The following MYBL2 variants were observed in gnomAD, a reference collection of about 807,000 sequenced individuals.
MYBL2 encodes the protein myb-related protein B.
Under a neutral mutation model 79.9 loss-of-function variants are expected in MYBL2, and 28 were observed. The ratio of observed to expected loss-of-function variants is 0.35; its 90% confidence interval spans 0.26 to 0.48. The LOEUF (loss-of-function observed/expected upper bound fraction) is 0.48. Among genes scored for constraint, MYBL2 ranks in the 20% least tolerant of loss-of-function variants. The pLI, the probability that MYBL2 is intolerant of heterozygous loss-of-function variation, is 0.99. For synonymous variants in MYBL2, 378 were observed against 361.2 expected (o/e 1.05, Z -0.53); for missense variants, 735 against 893.9 (o/e 0.82, Z 2.27).
intron 1 of MYBL2, among the ~76,000 whole-genome samples, chr20:43,668,029 G>A (rs1986763159): frequency 1.3e-5 from 2 of 152,008 alleles, no homozygotes; most frequent in East Asian, 1.9e-4. Context: ...GACTTAAGTG[G>A]CAGAGCTGAG....
chr20:43,676,009 A>G (rs1016171087), intron 2 of MYBL2, among the ~76,000 whole-genome samples: 3 of 150,392 alleles, frequency 2.0e-5, no homozygotes, highest in Non-Finnish European at 3.0e-5. Flanking sequence ...GGTTCAAGCG[A>G]TTCTCCTACC....
chr20:43,701,626 C>G (rs1047936257), intron 7 of MYBL2, among the ~76,000 whole-genome samples: 3 of 152,114 alleles, frequency 2.0e-5, no homozygotes, highest in African/African-American at 7.3e-5. Context: ...TAATGCTTCC[C>G]TAGCAGAATT....
At chr20:43,681,112 T>C (rs1293168351) in intron 2 of MYBL2, among the ~76,000 whole-genome samples, 3 of 152,208 alleles carry the variant, frequency 2.0e-5, no homozygotes, top group African/African-American at 7.2e-5. Flanking sequence ...ATCGCGTGAA[T>C]TGGTAGTTCA....
intron 4 of MYBL2, among the ~76,000 whole-genome samples, chr20:43,685,269 C>T (rs1365459712): frequency 6.6e-6 from 1 of 151,908 alleles, no homozygotes; most frequent in African/African-American, 2.4e-5. Flanking sequence ...CAACCTCCTC[C>T]TCCTAGGGAC....
chr20:43,683,801 G>A (rs184668336), intron 4 of MYBL2, among the ~76,000 whole-genome samples: 56 of 151,964 alleles, frequency 3.7e-4, no homozygotes, highest in African/African-American at 1.2e-3. Flanking sequence ...TGATCTACCC[G>A]CCTCAGCCTC....
Position 43,709,956 on chromosome 20 carries a change from C to T in MYBL2, c.1506-7C>T. ...GTCACTAGTTCCCCCGTTCTGGCCCCTGGCAGGTTTGTAACCCCAGATCAG... is the reference window on the plus strand; with the variant it reads ...GTCACTAGTTCCCCCGTTCTGGCCCTTGGCAGGTTTGTAACCCCAGATCAG... On this transcript the variant is annotated splice_polypyrimidine_tract_variant and splice_region_variant and intron_variant, in intron 9 of 13. Coordinates refer to ENST00000217026, the MANE Select transcript of MYBL2 (RefSeq NM_002466.4). The T allele has an allele frequency of 6.2e-7, 1 of 1,601,338 alleles. No individual in the cohort carries two copies. The highest frequency in any genetic ancestry group is 1.1e-5 in the South Asian group (1 of 88,094).
In MYBL2 at chr20:43,688,465, G is replaced by T. The variant is rs552690424; in HGVS notation, c.500+1393G>T. Among the ~76,000 whole-genome samples, 11 of 152,140 alleles carry T rather than the reference G, an allele frequency of 7.2e-5. No individual in the cohort carries two copies. In the East Asian group the frequency reaches 2.1e-3, roughly 29 times the overall value. On this transcript the variant is annotated intron_variant, in intron 5 of 13. Coordinates refer to ENST00000217026, the MANE Select transcript of MYBL2 (RefSeq NM_002466.4). ...CCACCTCAGCCTCACAAAGTGTTGG[G>T]ATTACAGGCATGAGCCACTATGCCC...
chr20:43,672,232 T>C lies in MYBL2; in HGVS notation c.21-1574T>C, dbSNP rs373327211. Among the ~76,000 whole-genome samples the C allele has an allele frequency of 1.2e-4, 18 of 152,238 alleles. 2 individuals are homozygous for C. The highest frequency in any genetic ancestry group is 8.5e-4 in the Admixed American group (13 of 15,276). ...TCTCAAAAAAAAAAAATAGATACTG[T>C]ACACTGATTTTTCTCTCCATTAATT... On this transcript the variant is annotated intron_variant, in intron 1 of 13. Coordinates refer to ENST00000217026, the MANE Select transcript of MYBL2 (RefSeq NM_002466.4).
At chr20:43,674,067 G>C (rs1003785736) in intron 2 of MYBL2, among the ~76,000 whole-genome samples, 168 bp downstream of exon 2, 1 of 152,072 alleles carries the variant, frequency 6.6e-6, no homozygotes, top group African/African-American at 2.4e-5. Flanking sequence ...CATTCTGGGG[G>C]ATTCTCAATT....
In MYBL2 at chr20:43,714,567, T is replaced by C. The variant is rs569032916; in HGVS notation, c.1825-567T>C. 3.9e-5 allele frequency among the ~76,000 whole-genome samples: 6 copies of C among 152,158 alleles called. No homozygotes were observed. The East Asian group carries it at 1.2e-3, about 29-fold the overall frequency. On this transcript the variant is annotated intron_variant, in intron 12 of 13. Transcript: ENST00000217026. ...GCTCTGAAACGCACACACGTTTCTTTACTTGATTACTTGATTTTTTTTTTT... is the reference window on the plus strand; with the variant it reads ...GCTCTGAAACGCACACACGTTTCTTCACTTGATTACTTGATTTTTTTTTTT...
rs190424651 is a variant in MYBL2 at position 43,703,831 on chromosome 20, T to A, written c.1365+928T>A. Reference sequence around the variant, plus strand: ...ACAGAGTACCACAGGCTCGGTGGATTTGACAAGAAATTCAGCAGTGTTGGT... The same window carrying A: ...ACAGAGTACCACAGGCTCGGTGGATATGACAAGAAATTCAGCAGTGTTGGT... On this transcript the variant is annotated intron_variant, in intron 8 of 13. Transcript: ENST00000217026. Among the ~76,000 whole-genome samples, 40 of 152,226 alleles carry A rather than the reference T, an allele frequency of 2.6e-4. 1 individual carries two copies. In the East Asian group the frequency reaches 7.5e-3, roughly 29 times the overall value.
At chr20:43,683,576 C>T (rs1379248525) in intron 4 of MYBL2, among the ~76,000 whole-genome samples, 1 of 123,636 alleles carries the variant, frequency 8.1e-6, no homozygotes, top group Non-Finnish European at 1.6e-5. Context: ...TTTTTTGAGA[C>T]GGAGTCTTGC....
chr20:43,673,550 T>A, intron 1 of MYBL2: 1 of 526,902 alleles, frequency 1.9e-6, no homozygotes, highest in Admixed American at 2.4e-5. Context: ...GGCGGGACGA[T>A]CATTTGAGTC....
At chr20:43,692,101 T>C in intron 5 of MYBL2, 56 bp from the exon 6 acceptor site, 1 of 1,576,844 alleles carries the variant, frequency 6.3e-7, no homozygotes, top group South Asian at 1.1e-5. Context: ...GTGATGTGCC[T>C]GATGGCACCC....
intron 1 of MYBL2, among the ~76,000 whole-genome samples, chr20:43,672,726 A>C (rs1181573144): frequency 6.6e-6 from 1 of 152,162 alleles, no homozygotes; most frequent in Non-Finnish European, 1.5e-5. Flanking sequence ...CAGTCTGGGT[A>C]ACAGAGCCAG....
At chr20:43,700,340 T>G (rs1987652684) in intron 7 of MYBL2, among the ~76,000 whole-genome samples, 2 of 152,254 alleles carry the variant, frequency 1.3e-5, no homozygotes, top group Middle Eastern at 3.4e-3. Flanking sequence ...AACTGAGTCC[T>G]AAAGGTTGAC....
chr20:43,703,511 C>G (rs562545968), intron 8 of MYBL2, among the ~76,000 whole-genome samples: 34 of 152,222 alleles, frequency 2.2e-4, no homozygotes, highest in African/African-American at 7.9e-4. Flanking sequence ...ATGGGGGGCA[C>G]CTGGCCTTCC....
chr20:43,701,636 T>TG (rs1190571643), intron 7 of MYBL2, among the ~76,000 whole-genome samples: 1 of 152,190 alleles, frequency 6.6e-6, no homozygotes, highest in Non-Finnish European at 1.5e-5. Flanking sequence ...CTAGCAGAAT[T>TG]GTGGGGATTG....
Position 43,705,245 on chromosome 20 carries a change from C to A in MYBL2, c.1392C>A (p.Asp464Glu), listed in dbSNP as rs772947082. The A allele has an allele frequency of 2.5e-6, 4 of 1,614,064 alleles. No homozygotes were observed. In the Admixed American group the frequency reaches 5.0e-5, roughly 20 times the overall value. The change falls in exon 9 of 14, where the codon GAC (aspartate) becomes GAA (glutamate). Residue 464 changes from aspartate (D) to glutamate (E), a missense_variant. Asp to Glu is a conservative substitution (Grantham distance 45). Around this residue, in one of 5 missense-constraint regions of MYBL2, gnomAD observed 243 missense variants for 327.2 expected, o/e 0.74. Transcript: ENST00000217026. ...TTCTGAACTTCTGGAACAAACAGGACACATTGGAGCTGGAGAGCCCCTCGC... is the reference window on the plus strand; with the variant it reads ...TTCTGAACTTCTGGAACAAACAGGAAACATTGGAGCTGGAGAGCCCCTCGC... ...SQFLNFWNKQ[D>E]TLELESPSLT...
Sources: gnomAD v4.1 joint callset for allele counts (sites outside exome capture counted in the v4.1 genomes callset) on GRCh38, gnomAD v4.1.1 for gene constraint, gnomAD v4.1.1 regional missense constraint, MANE v1.5 for transcripts, NCBI Gene and HGNC (gene_info 2026-07-23, HGNC 2026-07-21) for gene names.